The following ZNF804A variants were observed in gnomAD, a reference collection of about 807,000 sequenced individuals.
The protein encoded by ZNF804A is zinc finger protein 804A.
In ZNF804A, 2 loss-of-function variants were observed where a neutral mutation model predicts 16.5. The ratio of observed to expected loss-of-function variants is 0.12; its 90% CI spans 0.05 to 0.38. The LOEUF (loss-of-function observed/expected upper bound fraction) is 0.38, where lower values mean the gene tolerates loss of function less well. ZNF804A is among the 10% of genes least tolerant of loss of function. The pLI is 0.99. For synonymous variants in ZNF804A, 534 were observed against 489.6 expected (o/e 1.09, Z -1.20); for missense variants, 1,473 against 1,390.7 (o/e 1.06, Z -0.94).
intron 1 of ZNF804A, among the ~76,000 whole-genome samples, chr2:184,676,380 CAT>C (rs1692434006): frequency 6.6e-6 from 1 of 151,386 alleles, no homozygotes; most frequent in Non-Finnish European, 1.5e-5. Context: ...CACTCACACA[CAT>C]ATGCATACAC....
intron 2 of ZNF804A, 25 bp downstream of exon 2, chr2:184,866,537 C>A (rs764185710): frequency 6.3e-7 from 1 of 1,586,058 alleles, no homozygotes; most frequent in Admixed American, 1.9e-5. Flanking sequence ...TGAAAAAATT[C>A]TGGCATTTCT....
At chr2:184,740,329 G>T (rs1693693262) in intron 1 of ZNF804A, among the ~76,000 whole-genome samples, 1 of 152,182 alleles carries the variant, frequency 6.6e-6, no homozygotes, top group Admixed American at 6.6e-5. Flanking sequence ...TAATAAGCAA[G>T]GGAGATGAGC....
chr2:184,613,961 G>A (rs928922704), intron 1 of ZNF804A, among the ~76,000 whole-genome samples: 4 of 152,140 alleles, frequency 2.6e-5, no homozygotes, highest in African/African-American at 7.2e-5. Flanking sequence ...AACCAAAAAA[G>A]AGCTGGTATA....
At chr2:184,871,916 G>T (rs1479436649) in intron 2 of ZNF804A, among the ~76,000 whole-genome samples, 1 of 151,950 alleles carries the variant, frequency 6.6e-6, no homozygotes, top group African/African-American at 2.4e-5. Context: ...CCAGAGTGAA[G>T]AAATAGATGA....
chr2:184,787,214 T>C (rs547130323), intron 1 of ZNF804A, among the ~76,000 whole-genome samples: 1 of 152,130 alleles, frequency 6.6e-6, no homozygotes, highest in East Asian at 1.9e-4. Flanking sequence ...CATTCAATGT[T>C]TGATATTCTG....
chr2:184,788,107 A>G (rs1164313046), intron 1 of ZNF804A, among the ~76,000 whole-genome samples: 5 of 151,422 alleles, frequency 3.3e-5, no homozygotes, highest in Non-Finnish European at 5.9e-5. Flanking sequence ...TCATTTTCCC[A>G]TTGTTTATTT....
intron 1 of ZNF804A, among the ~76,000 whole-genome samples, chr2:184,632,875 A>G (rs1691635861): frequency 6.6e-6 from 1 of 152,212 alleles, no homozygotes; most frequent in Non-Finnish European, 1.5e-5. Flanking sequence ...TCAGTCTAAC[A>G]TTGACTACCT....
chr2:184,689,880 A>G (rs1329871296), intron 1 of ZNF804A, among the ~76,000 whole-genome samples: 3 of 152,024 alleles, frequency 2.0e-5, no homozygotes, highest in East Asian at 1.9e-4. Flanking sequence ...GTAAAACAAC[A>G]CATAATGTAG....
At chr2:184,892,187 T>G (rs1684995766) in intron 2 of ZNF804A, among the ~76,000 whole-genome samples, 1 of 152,186 alleles carries the variant, frequency 6.6e-6, no homozygotes, top group Non-Finnish European at 1.5e-5. Context: ...GAGATTCTAT[T>G]ACAAAGAATA....
chr2:184,692,882 A>T (rs1359279274), intron 1 of ZNF804A, among the ~76,000 whole-genome samples: 1 of 152,214 alleles, frequency 6.6e-6, no homozygotes, highest in Non-Finnish European at 1.5e-5. Context: ...GCCTTCAGAC[A>T]AATAAAAAAA....
At chr2:184,648,982 T>TGGGGA (rs1691931622) in intron 1 of ZNF804A, among the ~76,000 whole-genome samples, 1 of 152,008 alleles carries the variant, frequency 6.6e-6, no homozygotes, top group Non-Finnish European at 1.5e-5. Flanking sequence ...GAATATATAT[T>TGGGGA]ATTGTAATCT....
intron 1 of ZNF804A, among the ~76,000 whole-genome samples, chr2:184,757,863 C>T (rs779049968): frequency 2.0e-5 from 3 of 152,032 alleles, no homozygotes; most frequent in Non-Finnish European, 4.4e-5. Flanking sequence ...CCCTCTAGAG[C>T]TTGAATAAAT....
At chr2:184,862,986 A>G (rs548833298) in intron 1 of ZNF804A, among the ~76,000 whole-genome samples, 2 of 152,138 alleles carry the variant, frequency 1.3e-5, no homozygotes, top group Admixed American at 6.5e-5. Flanking sequence ...AGAGAGATAT[A>G]CTGAAATATT....
chr2:184,930,154 G>A (rs1685672853), intron 2 of ZNF804A, among the ~76,000 whole-genome samples: 2 of 152,056 alleles, frequency 1.3e-5, no homozygotes, highest in Admixed American at 1.3e-4. Flanking sequence ...AATGAGTCTT[G>A]ATATTACTTT....
At chr2:184,681,983 A>G (rs956520635) in intron 1 of ZNF804A, among the ~76,000 whole-genome samples, 2 of 152,190 alleles carry the variant, frequency 1.3e-5, no homozygotes, top group African/African-American at 4.8e-5. Flanking sequence ...ACCCAGACAC[A>G]TGTGTGCATG....
At chr2:184,779,059 ATTGTTTATCAT>A (rs1297282851) in intron 1 of ZNF804A, among the ~76,000 whole-genome samples, 1 of 151,736 alleles carries the variant, frequency 6.6e-6, no homozygotes, top group Non-Finnish European at 1.5e-5. Flanking sequence ...CAATTTCACC[ATTGTTTATCAT>A]TTGTTTCTCT....
intron 2 of ZNF804A, among the ~76,000 whole-genome samples, chr2:184,879,037 A>G (rs1215000419): frequency 6.6e-6 from 1 of 151,996 alleles, no homozygotes; most frequent in Non-Finnish European, 1.5e-5. Context: ...ACTCACAATA[A>G]CCTGGATAAC....
At chr2:184,817,172 G>T (rs1334910351) in intron 1 of ZNF804A, among the ~76,000 whole-genome samples, 2 of 151,818 alleles carry the variant, frequency 1.3e-5, no homozygotes, top group East Asian at 1.9e-4. Flanking sequence ...GTACCTTTCT[G>T]GGACAGAGCT....
intron 2 of ZNF804A, among the ~76,000 whole-genome samples, chr2:184,880,262 G>T (rs1684788188): frequency 6.6e-6 from 1 of 152,088 alleles, no homozygotes; most frequent in African/African-American, 2.4e-5. Context: ...GGAAGAGTAA[G>T]TTATGCTGGA....
Sources: allele counts gnomAD v4.1 joint callset (sites outside exome capture counted in the v4.1 genomes callset), GRCh38; gene constraint gnomAD v4.1.1; transcripts MANE v1.5; gene names NCBI Gene and HGNC (gene_info 2026-07-23, HGNC 2026-07-21).